Variants in GPS1 observed in about 807,000 individuals in gnomAD.
The protein encoded by GPS1 is G protein pathway suppressor 1.
A neutral mutation model predicts 60.0 loss-of-function variants in GPS1; 11 were observed. That is an observed-to-expected ratio of 0.18 (90% CI 0.12 to 0.30). The LOEUF is 0.30. Among genes scored for constraint, GPS1 ranks in the 10% least tolerant of loss-of-function variants. GPS1 has a pLI of 1.00. For missense variants in GPS1, 543 were observed against 669.2 expected (o/e 0.81, Z 2.08); for synonymous variants, 343 against 269.8 (o/e 1.27, Z -2.66).
intron 1 of GPS1, chr17:82,052,775 A>C: frequency 5.0e-6 from 2 of 400,238 alleles, no homozygotes; most frequent in Non-Finnish European, 9.3e-6. Context: ...CCCTGAGATG[A>C]CTCTTTTCCC....
At chr17:82,052,798 C>T (rs1186749721) in intron 1 of GPS1, 1 of 355,722 alleles carries the variant, frequency 2.8e-6, no homozygotes, top group South Asian at 3.3e-5. Context: ...TCTCCCAACT[C>T]CGTGGCGTGA....
At position 82,057,280 on chromosome 17, in the gene GPS1, C is replaced by T; in HGVS notation, c.*153C>T. ...TGTGCCCTCCCTGGGGCTGAGGAGG[C>T]AGGCGGCTGCTAGTTGTGGCCCTTC... On this transcript the variant is annotated 3_prime_UTR_variant, in exon 13 of 13. Coordinates refer to ENST00000578552, the MANE Select transcript of GPS1 (RefSeq NM_001321092.3). The T allele has an allele frequency of 1.0e-6, 1 of 991,242 alleles. No homozygotes were observed. The highest frequency in any genetic ancestry group is 1.4e-5 in the South Asian group (1 of 73,118). 61.4% of individuals were successfully genotyped at this position (991,242 alleles called of 1,614,324 possible). A position where few individuals can be genotyped will look rare whatever the true frequency, so the allele number is the denominator to read the frequency against.
upstream of GPS1, chr17:82,051,240 G>C: frequency 7.5e-7 from 1 of 1,328,468 alleles, no homozygotes; most frequent in Non-Finnish European, 9.7e-7. The surrounding 1 kb of genome is among the most constrained non-coding windows in gnomAD (Gnocchi z 4.1). Flanking sequence ...GCTTCGGAGC[G>C]AGAAAGGCTC....
intron 2 of GPS1, chr17:82,053,609 G>A (rs2144441834): frequency 1.9e-6 from 1 of 539,800 alleles, no homozygotes; most frequent in Non-Finnish European, 3.2e-6. Context: ...CTAGCGACCA[G>A]CAGTCACTAG....
chr17:82,055,393 G>A (rs1452691985), intron 6 of GPS1, 171 bp downstream of exon 6: 7 of 710,642 alleles, frequency 9.9e-6, no homozygotes, highest in Non-Finnish European at 1.5e-5. Context: ...CTGCCCCGGG[G>A]AAGCCAGTGG....
At chr17:82,051,303 G>A, upstream of GPS1, 1 of 1,424,032 alleles carries the variant, frequency 7.0e-7, no homozygotes, top group African/African-American at 1.5e-5. This position sits in a 1 kb window ranked among gnomAD's most constrained non-coding sequence, Gnocchi z 4.1. Context: ...CCGCCCTGGA[G>A]CTCGAGCTCA....
At chr17:82,052,103 C>A in intron 1 of GPS1, 139 bp downstream of exon 1, 1 of 835,276 alleles carries the variant, frequency 1.2e-6, no homozygotes, top group South Asian at 5.5e-5. Context: ...GCGGGCAGCG[C>A]GCGTCGGGGG....
At chr17:82,052,601 G>A in intron 1 of GPS1, 2 of 1,011,418 alleles carry the variant, frequency 2.0e-6, no homozygotes, top group Non-Finnish European at 2.8e-6. Context: ...AGCCCCGGTG[G>A]GCCCGGGGCC....
intron 8 of GPS1, 66 bp from the exon 9 acceptor site, chr17:82,056,220 G>A (rs2032708289): frequency 7.3e-7 from 1 of 1,372,054 alleles, no homozygotes; most frequent in Non-Finnish European, 1.0e-6. Context: ...GGGGACTGGT[G>A]TCCCACTGGC....
chr17:82,054,207 C>CTG (rs2031923931), intron 3 of GPS1, 158 bp downstream of exon 3: 17 of 833,270 alleles, frequency 2.0e-5, no homozygotes, highest in South Asian at 5.4e-5. Flanking sequence ...TGGAAGTGCC[C>CTG]TGTGTGTGTG....
chr17:82,055,075 C>T, intron 5 of GPS1, 87 bp from the exon 6 acceptor site: 1 of 1,575,876 alleles, frequency 6.3e-7, no homozygotes, highest in Non-Finnish European at 8.7e-7. Flanking sequence ...TCTGAATCTG[C>T]CTTCATCCCC....
upstream of GPS1, chr17:82,051,163 G>T (rs1415150119): frequency 7.7e-7 from 1 of 1,305,622 alleles, no homozygotes; most frequent in Non-Finnish European, 9.7e-7. This position sits in a 1 kb window ranked among gnomAD's most constrained non-coding sequence, Gnocchi z 4.1. Flanking sequence ...CCTGGGCAGC[G>T]TCGGGGCCTC....
intron 6 of GPS1, chr17:82,055,466 G>A (rs1028650573): frequency 1.6e-6 from 1 of 615,038 alleles, no homozygotes; most frequent in Admixed American, 2.7e-5. Flanking sequence ...GCCAGCCCGA[G>A]CTGCTCTGAA....
Position 82,056,345 on chromosome 17 carries a change from A to G in GPS1, c.989A>G (p.Tyr330Cys), listed in dbSNP as rs1271095734. The change falls in exon 9 of 13, where the codon TAC becomes TGC. Residue 330 changes from tyrosine to cysteine, a missense_variant. Around this residue, in one of 3 missense-constraint regions of GPS1, gnomAD observed 291 missense variants for 353.7 expected, o/e 0.82. Transcript: ENST00000578552. The part of the protein sequence containing the change: ...PQVRDIIFKF[Y>C]ESKYASCLKM... Reference sequence around the variant, plus strand: ...GTCCGAGACATCATCTTCAAATTCTACGAGTCCAAGTACGCCTCATGTCTC... The same window carrying G: ...GTCCGAGACATCATCTTCAAATTCTGCGAGTCCAAGTACGCCTCATGTCTC... The G allele has an allele frequency of 6.2e-7, 1 of 1,613,204 alleles. No individual in the cohort carries two copies. The highest frequency in any genetic ancestry group is 1.3e-5 in the African/African-American group (1 of 74,968).
Position 82,057,251 on chromosome 17 carries a change from C to A in GPS1, c.*124C>A. The A allele has an allele frequency of 1.6e-6, 2 of 1,240,856 alleles. No homozygotes were observed. Among genetic ancestry groups the A allele is most frequent in the Non-Finnish European group, 2.3e-6 (2 of 858,734 alleles). 76.9% of individuals were successfully genotyped at this position (1,240,856 alleles called of 1,614,324 possible). On this transcript the variant is annotated 3_prime_UTR_variant, in exon 13 of 13. Coordinates refer to ENST00000578552, the MANE Select transcript of GPS1 (RefSeq NM_001321092.3). The stretch of plus-strand genomic sequence containing the variant: ...GGCCTGGCCACTGGGTGCCACCCAG[C>A]CTGTGTGCCCTCCCTGGGGCTGAGG...
chr17:82,055,542 T>G (rs940162318), intron 6 of GPS1, 198 bp from the exon 7 acceptor site: 6 of 607,766 alleles, frequency 9.9e-6, no homozygotes, highest in African/African-American at 3.7e-5. Flanking sequence ...TCAGGGAGCC[T>G]CCTCAGCATT....
intron 1 of GPS1, 84 bp from the exon 2 acceptor site, chr17:82,053,190 C>T: frequency 9.0e-7 from 1 of 1,105,018 alleles, no homozygotes; most frequent in Non-Finnish European, 1.2e-6. Flanking sequence ...TTGGGCAGAG[C>T]TGACCTCAGA....
intron 3 of GPS1, 149 bp downstream of exon 3, chr17:82,054,198 G>A: frequency 3.4e-6 from 3 of 888,472 alleles, no homozygotes; most frequent in Non-Finnish European, 5.0e-6. Flanking sequence ...GGCCAGCAGT[G>A]GAAGTGCCCT....
chr17:82,056,997 A>T, intron 12 of GPS1, 23 bp downstream of exon 12: 1 of 1,612,284 alleles, frequency 6.2e-7, no homozygotes, highest in East Asian at 2.2e-5. Flanking sequence ...GAGGGGGGGC[A>T]GGCGCACGGC....
Sources: gnomAD v4.1 joint callset for allele counts on GRCh38, gnomAD v4.1.1 for gene constraint, gnomAD v4.1.1 regional missense constraint, Gnocchi (gnomAD v3.1) non-coding constraint, MANE v1.5 for transcripts, NCBI Gene and HGNC (gene_info 2026-07-23, HGNC 2026-07-21) for gene names.